The following ATP10B variants were observed in gnomAD, a reference collection of about 807,000 sequenced individuals.
The protein encoded by ATP10B is phospholipid-transporting ATPase VB.
In ATP10B, 122 loss-of-function variants were observed where a neutral mutation model predicts 141.2. That is an observed-to-expected ratio of 0.86 (90% CI 0.75 to 1.00). The LOEUF is 1.00. Among genes scored for constraint, ATP10B ranks in the 50% least tolerant of loss-of-function variants. The pLI is 0.00. For missense variants in ATP10B, 1,876 were observed against 1,825.3 expected (o/e 1.03, Z -0.51); for synonymous variants, 685 against 692.0 (o/e 0.99, Z 0.16).
At chr5:160,824,599 G>A (rs1213233308) in intron 1 of ATP10B, among the ~76,000 whole-genome samples, 1 of 152,018 alleles carries the variant, frequency 6.6e-6, no homozygotes, top group African/African-American at 2.4e-5. Flanking sequence ...CACACCTAGG[G>A]TATATGATAT....
At position 160,618,444 on chromosome 5, in the gene ATP10B, T is replaced by A. The variant is rs1758148965; in HGVS notation, c.2417-471A>T. Among the ~76,000 whole-genome samples, 7 of 152,218 alleles carry A rather than the reference T, an allele frequency of 4.6e-5. No individual in the cohort carries two copies. The South Asian group carries it at 1.4e-3, about 31-fold the overall frequency. ...TTTATCATCTTCTCTATCTTCTACT[T>A]GAGGTCTTATATCAAATTAGGTCCC... On this transcript the variant is annotated intron_variant, in intron 15 of 25. Coordinates refer to ENST00000327245, the MANE Select transcript of ATP10B (RefSeq NM_025153.3).
chr5:160,570,767 A>G (rs1285696261), intron 24 of ATP10B, among the ~76,000 whole-genome samples: 2 of 152,194 alleles, frequency 1.3e-5, no homozygotes, highest in Non-Finnish European at 2.9e-5. Context: ...TGCATCCTGT[A>G]AAATGTCCTT....
intron 7 of ATP10B, among the ~76,000 whole-genome samples, chr5:160,653,652 TATAC>T (rs1206785887): frequency 6.4e-5 from 5 of 77,560 alleles, no homozygotes; most frequent in African/African-American, 2.6e-4. Flanking sequence ...ATATATTATA[TATAC>T]ATATATACAT....
chr5:160,812,046 GAGAGA>G (rs1773206902), intron 1 of ATP10B, among the ~76,000 whole-genome samples: 1 of 151,820 alleles, frequency 6.6e-6, no homozygotes, highest in Non-Finnish European at 1.5e-5. Flanking sequence ...GAGAGAGAGA[GAGAGA>G]GAGAGAGAGG....
intron 7 of ATP10B, among the ~76,000 whole-genome samples, chr5:160,669,031 CT>C (rs967839628): frequency 1.4e-4 from 22 of 152,200 alleles, no homozygotes; most frequent in Admixed American, 1.2e-3. Flanking sequence ...AAATCATTTG[CT>C]TTCCTTCTCC....
chr5:160,663,456 G>A (rs1248660824), intron 7 of ATP10B, among the ~76,000 whole-genome samples: 2 of 152,260 alleles, frequency 1.3e-5, no homozygotes, highest in Admixed American at 6.5e-5. Flanking sequence ...ATACTATGCA[G>A]CCATAAAAAA....
intron 2 of ATP10B, among the ~76,000 whole-genome samples, chr5:160,734,525 AAAGTT>A (rs1485428241): frequency 6.6e-6 from 1 of 152,096 alleles, no homozygotes; most frequent in Non-Finnish European, 1.5e-5. Context: ...TAGACTATTA[AAAGTT>A]AAGAGTTTAT....
At chr5:160,780,462 T>C (rs1444907071) in intron 2 of ATP10B, among the ~76,000 whole-genome samples, 1 of 152,158 alleles carries the variant, frequency 6.6e-6, no homozygotes, top group Non-Finnish European at 1.5e-5. Context: ...AACTCTAAGG[T>C]AGTATGTTCA....
chr5:160,657,069 C>A (rs575611756), intron 7 of ATP10B, among the ~76,000 whole-genome samples: 20 of 152,256 alleles, frequency 1.3e-4, no homozygotes, highest in South Asian at 2.1e-4. Flanking sequence ...GTGGACTGCT[C>A]AGCTGACTGT....
chr5:160,843,352 C>T (rs73305852), intron 1 of ATP10B, among the ~76,000 whole-genome samples: 5,885 of 152,064 alleles, frequency 0.039, 128 homozygotes, highest in South Asian at 0.089. Context: ...TACTTAATTG[C>T]CTTACCTACT....
intron 1 of ATP10B, among the ~76,000 whole-genome samples, chr5:160,829,024 A>T (rs1338625430): frequency 1.6e-5 from 2 of 122,298 alleles, no homozygotes; most frequent in Non-Finnish European, 3.2e-5. Context: ...ACATGGACAC[A>T]GGAAGGGGAA....
chr5:160,634,248 A>G (rs1244106428), intron 12 of ATP10B, 106 bp downstream of exon 12: 1 of 1,532,230 alleles, frequency 6.5e-7, no homozygotes, highest in South Asian at 1.1e-5. Flanking sequence ...GAAATGCCAC[A>G]CAGCCTCTAA....
At chr5:160,784,134 AGTCT>A (rs1193570678) in intron 2 of ATP10B, among the ~76,000 whole-genome samples, 1 of 152,168 alleles carries the variant, frequency 6.6e-6, no homozygotes, top group African/African-American at 2.4e-5. Flanking sequence ...GAGACAGAAA[AGTCT>A]TTCTGAAACT....
chr5:160,770,631 G>A (rs1769829157), intron 2 of ATP10B, among the ~76,000 whole-genome samples: 2 of 151,982 alleles, frequency 1.3e-5, no homozygotes, highest in South Asian at 4.2e-4. Context: ...TTTATCTTTG[G>A]TAGTACACAT....
At chr5:160,658,677 T>G (rs890772107) in intron 7 of ATP10B, among the ~76,000 whole-genome samples, 4 of 152,204 alleles carry the variant, frequency 2.6e-5, no homozygotes, top group African/African-American at 9.6e-5. Flanking sequence ...TCAGGGAAGG[T>G]TGCTAGACCC....
At chr5:160,890,697 G>A in the ATP10B span, among the ~76,000 whole-genome samples, 4 of 152,118 alleles carry the variant, frequency 2.6e-5, no homozygotes, top group East Asian at 7.7e-4. Flanking sequence ...ATGGCCATTT[G>A]AGTTGTTTTC....
At chr5:160,876,802 C>T in the ATP10B span, among the ~76,000 whole-genome samples, 38 of 150,686 alleles carry the variant, frequency 2.5e-4, no homozygotes, top group East Asian at 1.6e-3. Flanking sequence ...GGATAAATTC[C>T]TGGACACATA....
At chr5:160,643,033 C>CTGGAGAGTA (rs1487922500) in intron 9 of ATP10B, among the ~76,000 whole-genome samples, 1 of 10,162 alleles carries the variant, frequency 9.8e-5, no homozygotes, top group Non-Finnish European at 5.2e-4. Context: ...GTGGAGATTG[C>CTGGAGAGTA]TGGAGAGTTC....
chr5:160,610,653 A>G (rs1015362810), intron 18 of ATP10B, among the ~76,000 whole-genome samples: 7 of 152,228 alleles, frequency 4.6e-5, no homozygotes, highest in African/African-American at 1.7e-4. Flanking sequence ...CTGTGAAGTT[A>G]ATATTTTTTA....
Sources: gnomAD v4.1 joint callset for allele counts (sites outside exome capture counted in the v4.1 genomes callset) on GRCh38, gnomAD v4.1.1 for gene constraint, MANE v1.5 for transcripts, NCBI Gene and HGNC (gene_info 2026-07-23, HGNC 2026-07-21) for gene names.